ATP1A2: variants seen among roughly 807,000 people sequenced by gnomAD.
ATP1A2 encodes the protein ATPase Na+/K+ transporting subunit alpha 2, also known as sodium/potassium-transporting ATPase subunit alpha-2.
Under a neutral mutation model 113.1 loss-of-function variants are expected in ATP1A2, and 56 were observed. The ratio of observed to expected loss-of-function variants is 0.49; its 90% CI spans 0.40 to 0.62. ATP1A2 has a LOEUF of 0.62. ATP1A2 is among the 20% of genes least tolerant of loss of function. ATP1A2 has a pLI of 0.00. For missense variants in ATP1A2, 712 were observed against 1,357.8 expected, an observed-to-expected ratio of 0.52 and a Z score of 7.47; for synonymous variants, 490 against 526.8, an observed-to-expected ratio of 0.93 and a Z score of 0.96.
intron 20 of ATP1A2, among the ~76,000 whole-genome samples, chr1:160,138,154 G>T (rs2101997354): frequency 6.6e-6 from 1 of 152,338 alleles, no homozygotes; most frequent in East Asian, 1.9e-4. Flanking sequence ...TACAGAGGAA[G>T]AGTACTAATA....
rs1378823166 is a variant in ATP1A2, at chr1:160,139,640, G to A, written c.2841G>A (p.Lys947=). The change falls in exon 21 of 23, where the codon AAG becomes AAA. Residue 947 remains lysine, a splice_region_variant and synonymous_variant. Transcript: ENST00000361216. ...RRNSVFQQGM[K]NKILIFGLLE... is the part of the protein sequence containing the mutation. ...GCCACCTCCTTTCTTTGCCTTTCAG[G>A]AACAAGATCCTGATTTTTGGGCTCC... is the stretch of plus-strand genomic sequence containing the variant. 1.2e-6 allele frequency: 2 copies of A among 1,613,890 alleles called. No individual in the cohort carries two copies. The highest frequency in any genetic ancestry group is 1.7e-5 in the Admixed American group (1 of 59,998).
chr1:160,139,564 T>C, intron 20 of ATP1A2, 76 bp from the exon 21 acceptor site: 1 of 1,307,124 alleles, frequency 7.7e-7, no homozygotes. Context: ...CTCTTTCCCT[T>C]GCACCCCAGG....
chr1:160,122,279 G>A (rs1204924996), intron 3 of ATP1A2, among the ~76,000 whole-genome samples: 1 of 152,116 alleles, frequency 6.6e-6, no homozygotes, highest in Non-Finnish European at 1.5e-5. Context: ...GCACTAATAT[G>A]TATTTGTTTA....
intron 13 of ATP1A2, among the ~76,000 whole-genome samples, 158 bp downstream of exon 13, chr1:160,130,755 G>A (rs1347118927): frequency 6.6e-6 from 1 of 152,226 alleles, no homozygotes; most frequent in Non-Finnish European, 1.5e-5. Context: ...GCCCACCCCT[G>A]CCTTGGGGCA....
chr1:160,136,422 A>G, intron 18 of ATP1A2, 52 bp downstream of exon 18: 2 of 1,612,894 alleles, frequency 1.2e-6, no homozygotes, highest in Non-Finnish European at 1.7e-6. Context: ...TTCTTTTCCC[A>G]GCTTTCAGAG....
At chr1:160,117,656 A>T (rs1015242794) in intron 1 of ATP1A2, among the ~76,000 whole-genome samples, 1 of 152,020 alleles carries the variant, frequency 6.6e-6, no homozygotes, top group African/African-American at 2.4e-5. Flanking sequence ...TGTTCTAGGG[A>T]TGATTTTTCC....
chr1:160,141,432 G>T lies in ATP1A2; in HGVS notation c.*110G>T. On this transcript the variant is annotated 3_prime_UTR_variant, in exon 23 of 23. Coordinates refer to ENST00000361216, the MANE Select transcript of ATP1A2 (RefSeq NM_000702.4). ...CGGGTGGCATTGGGTGGCAACATTTGGGGAGAGATAATGAGGCAACTCAGC... is the reference window on the plus strand; with the variant it reads ...CGGGTGGCATTGGGTGGCAACATTTTGGGAGAGATAATGAGGCAACTCAGC... 6.9e-7 allele frequency: 1 copy of T among 1,446,732 alleles called. No individual in the cohort carries two copies. The highest frequency in any genetic ancestry group is 1.8e-4 in the Middle Eastern group (1 of 5,636). 89.6% of individuals were successfully genotyped at this position (1,446,732 alleles called of 1,614,324 possible).
At chr1:160,124,179 G>A (rs1293948233) in intron 5 of ATP1A2, 117 bp from the exon 6 acceptor site, 5 of 1,552,886 alleles carry the variant, frequency 3.2e-6, no homozygotes, top group Non-Finnish European at 4.4e-6. Context: ...AGCTTTCCAT[G>A]CCAGCACCTA....
intron 1 of ATP1A2, among the ~76,000 whole-genome samples, chr1:160,120,013 C>T (rs1325025864): frequency 2.0e-5 from 3 of 151,214 alleles, no homozygotes; most frequent in Non-Finnish European, 4.4e-5. Context: ...AGAGTGAGAC[C>T]CTGTCTCAAG....
intron 22 of ATP1A2, 26 bp from the exon 23 acceptor site, chr1:160,141,268 A>G (rs781167675): frequency 6.2e-7 from 1 of 1,613,766 alleles, no homozygotes; most frequent in Non-Finnish European, 8.5e-7. Flanking sequence ...TCATGCTGCA[A>G]TCTCCACTCC....
Position 160,135,750 on chromosome 1 carries a change from T to C in ATP1A2, c.2285-89T>C. ...TTCCCTTGAACACAAAATCTTCCTC[T>C]CTTGGGAAGACAGGCAGCCATGCTT... is the stretch of plus-strand genomic sequence containing the variant. On this transcript the variant is annotated intron_variant, in intron 16 of 22. Transcript: ENST00000361216. The surrounding 1 kb of genome is among the most constrained non-coding windows in gnomAD (Gnocchi z 6.3). The C allele has an allele frequency of 6.2e-7, 1 of 1,610,946 alleles. No individual in the cohort carries two copies. The highest frequency in any genetic ancestry group is 8.5e-7 in the Non-Finnish European group (1 of 1,177,650).
intron 4 of ATP1A2, 107 bp from the exon 5 acceptor site, chr1:160,123,836 G>C (rs1395928619): frequency 9.0e-6 from 9 of 994,974 alleles, no homozygotes; most frequent in Non-Finnish European, 1.4e-5. Flanking sequence ...CACAGACAAA[G>C]GTCTGGGCTG....
chr1:160,121,345 C>A, intron 3 of ATP1A2, 94 bp downstream of exon 3: 2 of 1,446,026 alleles, frequency 1.4e-6, no homozygotes, highest in Non-Finnish European at 1.9e-6. Context: ...ATCCAGCCTT[C>A]TTTACAGATG....
rs903572955 is a variant in ATP1A2 at position 160,129,254 on chromosome 1, C to G, written c.1327-12C>G. On this transcript the variant is annotated splice_polypyrimidine_tract_variant and intron_variant, in intron 10 of 22. Transcript: ENST00000361216. ...TCCCATGCTGACACTGAATTCTTGT[C>G]TCTTCTGGCAGCGGGACACAGCTGG... The G allele has an allele frequency of 2.5e-6, 4 of 1,614,188 alleles. No homozygotes were observed. In the Admixed American group the frequency reaches 6.7e-5, roughly 27 times the overall value.
intron 1 of ATP1A2, among the ~76,000 whole-genome samples, chr1:160,117,527 A>G (rs1651224685): frequency 1.3e-5 from 2 of 152,138 alleles, no homozygotes; most frequent in Non-Finnish European, 2.9e-5. Flanking sequence ...CAAGATGAGG[A>G]GCAGATCTGG....
chr1:160,137,204 C>A (rs1651980446), intron 20 of ATP1A2, 173 bp downstream of exon 20: 5 of 1,068,576 alleles, frequency 4.7e-6, no homozygotes, highest in Non-Finnish European at 6.8e-6. Context: ...AGAAGCCATG[C>A]TTCAGGCTCC....
rs1463299098 is a variant in ATP1A2, at chr1:160,136,657, G to A, written c.2651G>A (p.Arg884His). Residue 884 changes from arginine (R) to histidine (H), a missense_variant, in exon 19 of 23, where the codon CGC becomes CAC. Arg to His is a conservative substitution (Grantham distance 29). This residue lies in a region of ATP1A2 where 188 missense variants were observed against 438.9 expected (regional missense o/e 0.43). Transcript: ENST00000361216. Reference sequence around the variant, plus strand: ...CTGCCATCACGGCTACTGGGAATCCGCCTCGACTGGGATGACCGGACCATG... The same window carrying A: ...CTGCCATCACGGCTACTGGGAATCCACCTCGACTGGGATGACCGGACCATG... ...GFLPSRLLGI[R>H]LDWDDRTMND... 6 of 1,614,250 alleles carry A rather than the reference G, an allele frequency of 3.7e-6. No individual in the cohort carries two copies. The highest frequency in any genetic ancestry group is 5.1e-6 in the Non-Finnish European group (6 of 1,180,054).
At position 160,119,074 on chromosome 1, in the gene ATP1A2, C is replaced by A. The variant is rs75044759; in HGVS notation, c.13-1832C>A. Among the ~76,000 whole-genome samples the A allele has an allele frequency of 6.9e-3, 1,042 of 151,880 alleles. 18 individuals are homozygous for A. Among genetic ancestry groups the A allele is most frequent in the African/African-American group, 0.024 (983 of 41,368 alleles). ...ATGTATCAATGCAGGTTCATGATTG[C>A]AGCAAATGTAACACTCTGATGCAGG... On this transcript the variant is annotated intron_variant, in intron 1 of 22. Transcript: ENST00000361216.
intron 13 of ATP1A2, among the ~76,000 whole-genome samples, chr1:160,131,939 T>C (rs1195414327): frequency 6.6e-6 from 1 of 152,202 alleles, no homozygotes; most frequent in Non-Finnish European, 1.5e-5. Context: ...CATGATCTGC[T>C]TGACCGGAAA....
Sources: allele counts gnomAD v4.1 joint callset (sites outside exome capture counted in the v4.1 genomes callset), GRCh38; gene constraint gnomAD v4.1.1; regional missense constraint gnomAD v4.1.1; non-coding constraint Gnocchi (gnomAD v3.1); transcripts MANE v1.5; gene names NCBI Gene and HGNC (gene_info 2026-07-23, HGNC 2026-07-21).